The following CCDC158 variants were observed in gnomAD, a reference collection of about 807,000 sequenced individuals.
The protein encoded by CCDC158 is coiled-coil domain-containing protein 158.
A neutral mutation model predicts 138.6 loss-of-function variants in CCDC158; 116 were observed. The observed-to-expected ratio is 0.84, with a 90% CI of 0.72 to 0.98. The LOEUF is 0.98. CCDC158 is among the 50% of genes least tolerant of loss of function. The pLI, the probability that CCDC158 is intolerant of heterozygous loss-of-function variation, is 0.00. For synonymous variants in CCDC158, 436 were observed against 442.4 expected (o/e 0.99, Z 0.18); for missense variants, 1,265 against 1,306.1 (o/e 0.97, Z 0.48).
chr4:76,330,780 C>G (rs1181342346), intron 21 of CCDC158, among the ~76,000 whole-genome samples: 1 of 152,078 alleles, frequency 6.6e-6, no homozygotes, highest in Non-Finnish European at 1.5e-5. Context: ...AAATACTATG[C>G]CATTTTATAT....
At chr4:76,349,027 T>C (rs911751424) in intron 18 of CCDC158, among the ~76,000 whole-genome samples, 2 of 152,132 alleles carry the variant, frequency 1.3e-5, no homozygotes, top group African/African-American at 4.8e-5. Context: ...CAAACTGTTA[T>C]ACACCAAACC....
chr4:76,409,412 T>C (rs1729108860), intron 2 of CCDC158, among the ~76,000 whole-genome samples: 4 of 152,200 alleles, frequency 2.6e-5, no homozygotes, highest in Admixed American at 2.0e-4. Flanking sequence ...TTATTTTAAA[T>C]CTCTGAGTAA....
At chr4:76,412,940 T>C (rs1019044817) in intron 1 of CCDC158, among the ~76,000 whole-genome samples, 25 of 152,198 alleles carry the variant, frequency 1.6e-4, no homozygotes, top group Admixed American at 1.6e-3. Flanking sequence ...ACCTGGCCTT[T>C]CTCCAGGTAC....
intron 21 of CCDC158, among the ~76,000 whole-genome samples, chr4:76,329,787 A>T (rs1363856840): frequency 6.6e-6 from 1 of 152,128 alleles, no homozygotes; most frequent in Non-Finnish European, 1.5e-5. Context: ...TTATGATATC[A>T]GGTTGTTATT....
chr4:76,316,668 C>T (rs1238310), intron 24 of CCDC158, among the ~76,000 whole-genome samples: 2 of 151,978 alleles, frequency 1.3e-5, no homozygotes, highest in Non-Finnish European at 2.9e-5. Context: ...ATCAGGTTAT[C>T]TAATGTCAAG....
chr4:76,366,801 C>G lies in CCDC158; in HGVS notation c.1830+493G>C, dbSNP rs930947529. Among the ~76,000 whole-genome samples the G allele has an allele frequency of 3.3e-5, 5 of 152,066 alleles. No homozygotes were observed. The East Asian group carries it at 9.6e-4, about 29-fold the overall frequency. ...ATTTAAATTTTAAATTATTAAATAG[C>G]CAGAAACTATTAATAGGCTCATTCC... On this transcript the variant is annotated intron_variant, in intron 12 of 24. Coordinates refer to ENST00000682701, the MANE Select transcript of CCDC158 (RefSeq NM_001394954.1).
chr4:76,335,509 G>A (rs1721397810), intron 18 of CCDC158, among the ~76,000 whole-genome samples: 1 of 152,208 alleles, frequency 6.6e-6, no homozygotes, highest in Middle Eastern at 3.4e-3. Flanking sequence ...TAAATATGTT[G>A]TTCTCCCCTG....
At chr4:76,335,375 C>G (rs1721385321) in intron 18 of CCDC158, among the ~76,000 whole-genome samples, 1 of 152,118 alleles carries the variant, frequency 6.6e-6, no homozygotes, top group Non-Finnish European at 1.5e-5. Context: ...ATAACCTGGA[C>G]TTCTTATCTT....
rs141410937 is a variant in CCDC158, at chr4:76,365,927, C to T, written c.1830+1367G>A. ...ACTTAGGCTGCCTAGGTTCAAACCA[C>T]AAGGTAGTGCTGCTCTCCAGAAAGT... On this transcript the variant is annotated intron_variant, in intron 12 of 24. Coordinates refer to ENST00000682701, the MANE Select transcript of CCDC158 (RefSeq NM_001394954.1). 2.7e-3 allele frequency among the ~76,000 whole-genome samples: 418 copies of T among 152,314 alleles called. 2 individuals are homozygous for T. The highest frequency in any genetic ancestry group is 9.1e-3 in the African/African-American group (379 of 41,566).
At chr4:76,383,632 G>C in intron 7 of CCDC158, 30 bp downstream of exon 7, 2 of 1,528,036 alleles carry the variant, frequency 1.3e-6, no homozygotes, top group Middle Eastern at 1.7e-4. Flanking sequence ...AGTTTCGCTA[G>C]GCTTTTCCAT....
At position 76,367,711 on chromosome 4, in the gene CCDC158, T is replaced by C; in HGVS notation, c.1413A>G (p.Glu471=). The stretch of plus-strand genomic sequence containing the variant: ...CTTTGCGCAGCATCTCTTTGGTGGA[T>C]TCAAGCTGAGCAGTCAAGGAGGATA... ...EKVSSLTAQL[E]STKEMLRKVV... is the part of the protein sequence containing the mutation. The change falls in exon 12 of 25, where the codon GAA becomes GAG. Residue 471 remains glutamate, a synonymous_variant. Coordinates refer to ENST00000682701, the MANE Select transcript of CCDC158 (RefSeq NM_001394954.1). 1 of 1,614,062 alleles carries C rather than the reference T, an allele frequency of 6.2e-7. No individual in the cohort carries two copies. The highest frequency in any genetic ancestry group is 8.5e-7 in the Non-Finnish European group (1 of 1,180,006).
chr4:76,374,517 C>A (rs942856276), intron 9 of CCDC158, among the ~76,000 whole-genome samples: 1 of 152,090 alleles, frequency 6.6e-6, no homozygotes, highest in Non-Finnish European at 1.5e-5. Context: ...CCATTTTTTT[C>A]ATCTGTAATT....
intron 8 of CCDC158, 75 bp downstream of exon 8, chr4:76,382,535 A>G (rs1295865709): frequency 1.1e-6 from 1 of 925,122 alleles, no homozygotes; most frequent in Non-Finnish European, 1.7e-6. Context: ...GTTCTAAAAG[A>G]TTATAGAACA....
chr4:76,321,761 T>A (rs185448923), intron 24 of CCDC158, among the ~76,000 whole-genome samples: 211 of 145,332 alleles, frequency 1.5e-3, no homozygotes, highest in African/African-American at 4.8e-3. Context: ...ATATATATAT[T>A]TTTTATATAT....
At chr4:76,339,336 G>GA (rs1721837062) in intron 18 of CCDC158, among the ~76,000 whole-genome samples, 1 of 152,134 alleles carries the variant, frequency 6.6e-6, no homozygotes, top group South Asian at 2.1e-4. Context: ...CATTTGTCAT[G>GA]AACTTTTAGG....
At chr4:76,324,104 T>A (rs1202543087) in intron 23 of CCDC158, among the ~76,000 whole-genome samples, 1 of 152,152 alleles carries the variant, frequency 6.6e-6, no homozygotes, top group Non-Finnish European at 1.5e-5. Context: ...AATTTTCTTA[T>A]CAAAAAATAC....
At chr4:76,406,994 G>A (rs1728877989) in intron 2 of CCDC158, among the ~76,000 whole-genome samples, 1 of 151,870 alleles carries the variant, frequency 6.6e-6, no homozygotes, top group African/African-American at 2.4e-5. Context: ...ATAGAAAAAA[G>A]AAAAACAATG....
intron 4 of CCDC158, among the ~76,000 whole-genome samples, chr4:76,389,483 G>A (rs1727116501): frequency 6.6e-6 from 1 of 152,022 alleles, no homozygotes; most frequent in Admixed American, 6.6e-5. Context: ...AGCCTCAAAA[G>A]GGCAAATCTA....
At chr4:76,370,829 A>C (rs1725162086) in intron 10 of CCDC158, among the ~76,000 whole-genome samples, 1 of 152,122 alleles carries the variant, frequency 6.6e-6, no homozygotes, top group Non-Finnish European at 1.5e-5. Flanking sequence ...AGCTCATCAA[A>C]CCCTTGTCAG....
Sources: allele counts gnomAD v4.1 joint callset (sites outside exome capture counted in the v4.1 genomes callset), GRCh38; gene constraint gnomAD v4.1.1; transcripts MANE v1.5; gene names NCBI Gene and HGNC (gene_info 2026-07-23, HGNC 2026-07-21).